The following NOS1 variants were observed in gnomAD, a reference collection of about 807,000 sequenced individuals.
NOS1 encodes nitric oxide synthase 1, also known as NOS type I.
A neutral mutation model predicts 164.5 loss-of-function variants in NOS1; 51 were observed. The observed-to-expected ratio is 0.31, with a 90% CI of 0.25 to 0.39. NOS1 has a LOEUF of 0.39. Ranked by LOEUF, NOS1 falls within the 10% of genes least tolerant of loss-of-function variation. The pLI, the probability that NOS1 is intolerant of heterozygous loss-of-function variation, is 1.00. For missense variants in NOS1, 1,362 were observed against 1,885.6 expected, an observed-to-expected ratio of 0.72 and a Z score of 5.14; for synonymous variants, 719 against 745.8, an observed-to-expected ratio of 0.96 and a Z score of 0.59.
At chr12:117,311,384 T>C in intron 3 of NOS1, 82 bp downstream of exon 3, 1 of 1,457,844 alleles carries the variant, frequency 6.9e-7, no homozygotes, top group Non-Finnish European at 9.2e-7. Context: ...AGGATTTAGC[T>C]TCCCTCCCCT....
At chr12:117,271,780 T>C (rs377272244) in intron 10 of NOS1, among the ~76,000 whole-genome samples, 5 of 152,314 alleles carry the variant, frequency 3.3e-5, no homozygotes, top group East Asian at 3.9e-4. Context: ...TTCACCAAAG[T>C]TGGGCTTCAG....
intron 3 of NOS1, among the ~76,000 whole-genome samples, chr12:117,298,904 T>A (rs1476498652): frequency 6.6e-6 from 1 of 152,232 alleles, no homozygotes; most frequent in Non-Finnish European, 1.5e-5. Flanking sequence ...CCTAAACTTG[T>A]ACAAAGCAAG....
At chr12:117,289,220 C>T (rs12314144) in intron 4 of NOS1, among the ~76,000 whole-genome samples, 1 of 152,174 alleles carries the variant, frequency 6.6e-6, no homozygotes, top group East Asian at 1.9e-4. Flanking sequence ...TTGTTTAATA[C>T]TCCACCAGTG....
chr12:117,339,468 T>C (rs1186506099), intron 1 of NOS1, among the ~76,000 whole-genome samples: 4 of 152,222 alleles, frequency 2.6e-5, no homozygotes, highest in Non-Finnish European at 4.4e-5. Flanking sequence ...AGTTTGACAA[T>C]ATCTACCTCC....
chr12:117,232,238 G>T, intron 21 of NOS1, 107 bp from the exon 22 acceptor site: 1 of 1,016,650 alleles, frequency 9.8e-7, no homozygotes, highest in Non-Finnish European at 1.5e-6. Context: ...AGAGGAGGGT[G>T]GCTCCAGAGC....
intron 26 of NOS1, among the ~76,000 whole-genome samples, chr12:117,221,609 T>C (rs1178441995): frequency 6.6e-6 from 1 of 151,206 alleles, no homozygotes; most frequent in Non-Finnish European, 1.5e-5. Context: ...TAATTTCTGT[T>C]TTTAAATATT....
intron 21 of NOS1, among the ~76,000 whole-genome samples, chr12:117,233,974 T>C (rs1037361964): frequency 1.3e-5 from 2 of 152,288 alleles, no homozygotes; most frequent in East Asian, 3.9e-4. Context: ...CCAGGTAAGC[T>C]CACTGCAGTT....
At position 117,209,571 on chromosome 12, in the gene NOS1, TAGCCCC is replaced by T. The variant is rs1478936807; in HGVS notation, c.*5732_*5737del. The T allele has an allele frequency of 1.0e-6, 1 of 985,392 alleles. No homozygotes were observed. The highest frequency in any genetic ancestry group is 1.2e-6 in the Non-Finnish European group (1 of 829,972). 61.0% of individuals were successfully genotyped at this position (985,392 alleles called of 1,614,324 possible). A position where few individuals can be genotyped will look rare whatever the true frequency, so the allele number is the denominator to read the frequency against. Reference sequence around the variant, plus strand: ...GACTGTGTTTTGGGCCAGACGGGCATAGCCCCGCTTGACCAGAACTGTTTGGGTATT... The same window carrying T: ...GACTGTGTTTTGGGCCAGACGGGCATGCTTGACCAGAACTGTTTGGGTATT... On this transcript the variant is annotated 3_prime_UTR_variant, in exon 29 of 29. Coordinates refer to ENST00000317775, the MANE Select transcript of NOS1 (RefSeq NM_000620.5).
chr12:117,285,474 C>G (rs1437806978), intron 6 of NOS1, 142 bp from the exon 7 acceptor site: 4 of 399,566 alleles, frequency 1.0e-5, no homozygotes, highest in African/African-American at 2.1e-5. Context: ...TACTGAGTCC[C>G]AGGCTGCATT....
At chr12:117,337,106 CTTTTTTTTTTTTTTTTTT>C (rs36054002) in intron 1 of NOS1, among the ~76,000 whole-genome samples, 1 of 64,328 alleles carries the variant, frequency 1.6e-5, no homozygotes, top group African/African-American at 7.0e-5. Context: ...GCTTTTTACT[CTTTTTTTTTTTTTTTTTT>C]TTTTTTTTTG....
rs189631938 is a variant in NOS1, at chr12:117,243,479, G to A, written c.2824-44C>T. 1.1e-3 allele frequency: 1,820 copies of A among 1,605,808 alleles called. 12 individuals carry two copies. The highest frequency in any genetic ancestry group is 4.9e-4 in the East Asian group (22 of 44,666). ...TTTCAGTGACCTCTTTCAGCCAAGC[G>A]GATCTCCTCTCCAACAGCTCCAAGT... On this transcript the variant is annotated intron_variant, in intron 18 of 28. Coordinates refer to ENST00000317775, the MANE Select transcript of NOS1 (RefSeq NM_000620.5). The surrounding 1 kb of genome is among the most constrained non-coding windows in gnomAD (Gnocchi z 4.3).
At chr12:117,305,120 C>T in intron 3 of NOS1, 1 of 960,874 alleles carries the variant, frequency 1.0e-6, no homozygotes, top group Non-Finnish European at 1.2e-6. Context: ...GCTAGGCCCC[C>T]TGTGGATGCT....
Position 117,265,432 on chromosome 12 carries a change from G to A in NOS1, c.2020C>T (p.Arg674Trp), listed in dbSNP as rs760044680. ...IKHMENEYRCRGGCPADWVWI... is the reference protein window; with the variant it reads ...IKHMENEYRCWGGCPADWVWI... ...ACCCAGTCGGCAGGGCAGCCCCCCCGGCAGCGGTACTCATTCTCCATGTGC... is the reference window on the plus strand; with the variant it reads ...ACCCAGTCGGCAGGGCAGCCCCCCCAGCAGCGGTACTCATTCTCCATGTGC... The change falls in exon 12 of 29, where the codon CGG (arginine) becomes TGG (tryptophan). Residue 674 changes from arginine (R) to tryptophan (W), a missense_variant. This residue lies in a region of NOS1 where 737 missense variants were observed against 1,030.3 expected (regional missense o/e 0.72). Transcript: ENST00000317775. 2 of 1,591,978 alleles carry A rather than the reference G, an allele frequency of 1.3e-6. No individual in the cohort carries two copies. The highest frequency in any genetic ancestry group is 8.5e-7 in the Non-Finnish European group (1 of 1,169,954).
chr12:117,295,450 T>C (rs759375217), intron 3 of NOS1, among the ~76,000 whole-genome samples: 3 of 152,122 alleles, frequency 2.0e-5, no homozygotes, highest in Admixed American at 2.0e-4. Context: ...GGCTAGTATT[T>C]TGATAGAGTC....
At position 117,256,284 on chromosome 12, in the gene NOS1, G is replaced by GTTTTTTTTTTTTT. The variant is rs57047376; in HGVS notation, c.2531+2112_2531+2113insAAAAAAAAAAAAA. 4.6e-4 allele frequency among the ~76,000 whole-genome samples: 54 copies of GTTTTTTTTTTTTT among 118,408 alleles called. 2 individuals are homozygous for GTTTTTTTTTTTTT. Among genetic ancestry groups the GTTTTTTTTTTTTT allele is most frequent in the African/African-American group, 1.8e-3 (48 of 26,114 alleles). 77.7% of individuals were successfully genotyped at this position (118,408 alleles called of 152,430 possible). A position where few individuals can be genotyped will look rare whatever the true frequency, so the allele number is the denominator to read the frequency against. On this transcript the variant is annotated intron_variant, in intron 16 of 28. Coordinates refer to ENST00000317775, the MANE Select transcript of NOS1 (RefSeq NM_000620.5). ...CAAAGAAAATCAGAAGGGATTTTCT[G>GTTTTTTTTTTTTT]TTTTTTTTTTTTGAGACGGAGTCTC... is the stretch of plus-strand genomic sequence containing the variant.
Position 117,330,234 on chromosome 12 carries a change from A to T in NOS1, c.725+111T>A. 1 of 1,440,606 alleles carries T rather than the reference A, an allele frequency of 6.9e-7. No homozygotes were observed. Among genetic ancestry groups the T allele is most frequent in the Non-Finnish European group, 9.1e-7 (1 of 1,097,950 alleles). The allele number at this position is 1,440,606 out of a possible 1,614,324, so 89.2% of individuals were successfully genotyped here. ...TTATGCAAAAACAGGTATCTGAGAC[A>T]GCCCAGGTTGGCTTCTGGGCTATGA... On this transcript the variant is annotated intron_variant, in intron 2 of 28. Coordinates refer to ENST00000317775, the MANE Select transcript of NOS1 (RefSeq NM_000620.5). This position sits in a 1 kb window ranked among gnomAD's most constrained non-coding sequence, Gnocchi z 4.6.
In NOS1 at chr12:117,265,517, G is replaced by A. The variant is rs1353891693; in HGVS notation, c.1942-7C>T. ...CAATGGTCACTTTGTCACTCTGTGG[G>A]AGGAGAGGGGACAGGGGTCAGGAGG... On this transcript the variant is annotated splice_region_variant and splice_polypyrimidine_tract_variant and intron_variant, in intron 11 of 28. Coordinates refer to ENST00000317775, the MANE Select transcript of NOS1 (RefSeq NM_000620.5). The A allele has an allele frequency of 1.3e-6, 2 of 1,512,810 alleles. No individual in the cohort carries two copies. The highest frequency in any genetic ancestry group is 1.8e-6 in the Non-Finnish European group (2 of 1,122,818). 93.7% of individuals were successfully genotyped at this position (1,512,810 alleles called of 1,614,324 possible). A position where few individuals can be genotyped will look rare whatever the true frequency, so the allele number is the denominator to read the frequency against.
rs1956555115 is a variant in NOS1 at position 117,213,267 on chromosome 12, T to C, written c.*2042A>G. 7.1e-6 allele frequency: 7 copies of C among 985,292 alleles called. No homozygotes were observed. The highest frequency in any genetic ancestry group is 8.4e-6 in the Non-Finnish European group (7 of 829,976). 61.0% of individuals were successfully genotyped at this position (985,292 alleles called of 1,614,324 possible). On this transcript the variant is annotated 3_prime_UTR_variant, in exon 29 of 29. Transcript: ENST00000317775. ...GAGGCGTCTCCAAAGCTATAAAGGA[T>C]TGGAAAGAAAGCCTTTGGGAGGAAA...
chr12:117,340,232 G>A (rs566582830), intron 1 of NOS1, among the ~76,000 whole-genome samples: 94 of 152,074 alleles, frequency 6.2e-4, no homozygotes, highest in Non-Finnish European at 1.2e-3. Context: ...TCAAACTCCC[G>A]GCCTCAAGCA....
Sources: gnomAD v4.1 joint callset for allele counts (sites outside exome capture counted in the v4.1 genomes callset) on GRCh38, gnomAD v4.1.1 for gene constraint, gnomAD v4.1.1 regional missense constraint, Gnocchi (gnomAD v3.1) non-coding constraint, MANE v1.5 for transcripts, NCBI Gene and HGNC (gene_info 2026-07-23, HGNC 2026-07-21) for gene names.